The following RGL4 variants were observed in gnomAD, a reference collection of about 807,000 sequenced individuals.
RGL4 encodes ral guanine nucleotide dissociation stimulator like 4.
RGL4 carries 41 observed loss-of-function variants against 49.6 expected under a neutral mutation model. The observed-to-expected ratio is 0.83, with a 90% CI of 0.64 to 1.07. The LOEUF (loss-of-function observed/expected upper bound fraction) is 1.07. Ranked by LOEUF, RGL4 falls within the 50% of genes least tolerant of loss-of-function variation. The pLI is 0.00. For missense variants in RGL4, 610 were observed against 591.9 expected (o/e 1.03, Z -0.32); for synonymous variants, 255 against 238.0 (o/e 1.07, Z -0.66).
At chr22:23,695,210 G>A in intron 6 of RGL4, 191 bp downstream of exon 6, 1 of 529,488 alleles carries the variant, frequency 1.9e-6, no homozygotes, top group Middle Eastern at 5.0e-4. Flanking sequence ...CGGTCCATGG[G>A]CACGTGGGGG....
In RGL4 at chr22:23,694,141, T is replaced by A. The variant is rs1214365492; in HGVS notation, c.912+167T>A. 8 of 731,984 alleles carry A rather than the reference T, an allele frequency of 1.1e-5. No homozygotes were observed. The Admixed American group carries it at 1.9e-4, about 17-fold the overall frequency. 45.3% of individuals were successfully genotyped at this position (731,984 alleles called of 1,614,324 possible). A position where few individuals can be genotyped will look rare whatever the true frequency, so the allele number is the denominator to read the frequency against. ...CACCTTGACTCCCACGGCCCAGTGG[T>A]GGCTGCTCACTTCCGACCTGGGGTC... On this transcript the variant is annotated intron_variant, in intron 4 of 10. Coordinates refer to ENST00000290691, the MANE Select transcript of RGL4 (RefSeq NM_153615.2).
chr22:23,694,030 C>T, intron 4 of RGL4, 56 bp downstream of exon 4: 1 of 1,477,184 alleles, frequency 6.8e-7, no homozygotes, highest in South Asian at 1.1e-5. Context: ...ACTTCCTCTT[C>T]TCCTCCATCG....
chr22:23,694,862 T>G, intron 5 of RGL4, 88 bp from the exon 6 acceptor site: 1 of 1,015,522 alleles, frequency 9.8e-7, no homozygotes, highest in Non-Finnish European at 1.6e-6. Context: ...TAAGCTGGGA[T>G]TCACTGGGTT....
rs771145382 is a variant in RGL4 at position 23,692,772 on chromosome 22, T to C, written c.477T>C (p.Pro159=). The C allele has an allele frequency of 6.4e-5, 103 of 1,613,404 alleles. No individual in the cohort carries two copies. Among genetic ancestry groups the C allele is most frequent in the Admixed American group, 3.0e-4 (18 of 60,004 alleles). ...DLGPALEPES[P]AALGPPGYLH... is the part of the protein sequence containing the mutation. ...GGCCTGCTCTGGAGCCAGAGTCACC[T>C]GCAGCCCTGGGTCCACCAGGATATC... The change falls in exon 3 of 11, where the codon CCT becomes CCC. Residue 159 remains proline, a synonymous_variant. Transcript: ENST00000290691.
chr22:23,692,316 C>A lies in RGL4; in HGVS notation c.180-19C>A. ...GGAGAAGGCCAGGCCTCTGACTCAG[C>A]TGTCTACTCCATCACCAGCACCATC... On this transcript the variant is annotated intron_variant, in intron 1 of 10. Transcript: ENST00000290691. 1 of 1,612,766 alleles carries A rather than the reference C, an allele frequency of 6.2e-7. No individual in the cohort carries two copies. The highest frequency in any genetic ancestry group is 8.5e-7 in the Non-Finnish European group (1 of 1,179,052).
intron 4 of RGL4, 100 bp from the exon 5 acceptor site, chr22:23,694,247 C>CTCTG: frequency 1.0e-6 from 1 of 979,732 alleles, no homozygotes; most frequent in Non-Finnish European, 1.6e-6. Context: ...CTCCCCAGGC[C>CTCTG]TCTGCTTCAT....
chr22:23,699,142 T>G lies in RGL4; in HGVS notation c.*259T>G. The G allele has an allele frequency of 6.9e-7, 1 of 1,451,898 alleles. No individual in the cohort carries two copies. Among genetic ancestry groups the G allele is most frequent in the Non-Finnish European group, 9.1e-7 (1 of 1,104,164 alleles). The allele number at this position is 1,451,898 out of a possible 1,614,324, so 89.9% of individuals were successfully genotyped here. A position where few individuals can be genotyped will look rare whatever the true frequency, so the allele number is the denominator to read the frequency against. On this transcript the variant is annotated 3_prime_UTR_variant, in exon 11 of 11. Transcript: ENST00000290691. ...ATAAGTAAGGGTTTTTTCTTAACTT[T>G]CGTTAAAATAAAATTTTAAAAAACT...
intron 10 of RGL4, 44 bp downstream of exon 10, chr22:23,698,377 A>AT (rs374666466): frequency 0.034 from 38,360 of 1,126,172 alleles, no homozygotes; most frequent in Non-Finnish European, 0.037. Flanking sequence ...AAGGCTCTCC[A>AT]TTTTTTTTTT....
At chr22:23,697,116 G>A (rs1017355027) in intron 7 of RGL4, 55 bp from the exon 8 acceptor site, 2 of 1,360,922 alleles carry the variant, frequency 1.5e-6, no homozygotes, top group African/African-American at 1.4e-5. Context: ...AGGCACCTGA[G>A]GGCCAATACT....
Position 23,698,770 on chromosome 22 carries a change from C to T in RGL4, c.1383-74C>T, listed in dbSNP as rs1278706491. Reference sequence around the variant, plus strand: ...GGGGACCACTGGGGACCCAGGATTCCAGCTGGGCAGGCACTGACAGGGGAC... The same window carrying T: ...GGGGACCACTGGGGACCCAGGATTCTAGCTGGGCAGGCACTGACAGGGGAC... On this transcript the variant is annotated intron_variant, in intron 10 of 10. Transcript: ENST00000290691. The T allele has an allele frequency of 1.7e-5, 25 of 1,510,084 alleles. No homozygotes were observed. In the Admixed American group the frequency reaches 3.4e-4, roughly 21 times the overall value. 93.5% of individuals were successfully genotyped at this position (1,510,084 alleles called of 1,614,324 possible).
chr22:23,697,567 G>A (rs1923589623), intron 8 of RGL4, among the ~76,000 whole-genome samples: 1 of 152,184 alleles, frequency 6.6e-6, no homozygotes, highest in South Asian at 2.1e-4. Flanking sequence ...GCCTCTCCAA[G>A]GGCAGGCAGT....
At chr22:23,695,326 A>G in intron 6 of RGL4, 1 of 451,014 alleles carries the variant, frequency 2.2e-6, no homozygotes, top group Non-Finnish European at 4.3e-6. Flanking sequence ...TCTGGCTCCC[A>G]TGCTGGTCCA....
rs1038575872 is a variant in RGL4, at chr22:23,698,053, G to A, written c.1261-159G>A. 42 of 1,185,774 alleles carry A rather than the reference G, an allele frequency of 3.5e-5. No individual in the cohort carries two copies. The East Asian group carries it at 3.6e-4, about 10-fold the overall frequency. 73.5% of individuals were successfully genotyped at this position (1,185,774 alleles called of 1,614,324 possible). A position where few individuals can be genotyped will look rare whatever the true frequency, so the allele number is the denominator to read the frequency against. ...TGGAATCAAAGACCAATTCCTGCAGGAGGGGCTGTTTATATCCAACTCTGA... is the reference window on the plus strand; with the variant it reads ...TGGAATCAAAGACCAATTCCTGCAGAAGGGGCTGTTTATATCCAACTCTGA... On this transcript the variant is annotated intron_variant, in intron 9 of 10. Coordinates refer to ENST00000290691, the MANE Select transcript of RGL4 (RefSeq NM_153615.2).
In RGL4 at chr22:23,693,183, G is replaced by T. The variant is rs200832336; in HGVS notation, c.696+192G>T. ...ACGGCAGAGATGGGACATCACCAGC[G>T]CCAGCTGCACAGAGTGACTGTGCAG... On this transcript the variant is annotated intron_variant, in intron 3 of 10. Transcript: ENST00000290691. The T allele has an allele frequency of 6.1e-6, 6 of 977,420 alleles. No homozygotes were observed. In the Admixed American group the frequency reaches 1.8e-4, roughly 29 times the overall value. 60.5% of individuals were successfully genotyped at this position (977,420 alleles called of 1,614,324 possible).
chr22:23,693,896 C>T lies in RGL4; in HGVS notation c.834C>T (p.Thr278=), dbSNP rs1202015920. 1.2e-6 allele frequency: 2 copies of T among 1,613,964 alleles called. No individual in the cohort carries two copies. Among genetic ancestry groups the T allele is most frequent in the African/African-American group, 1.3e-5 (1 of 75,056 alleles). Residue 278 remains threonine (T), a synonymous_variant, in exon 4 of 11, where the codon ACC becomes ACT. Coordinates refer to ENST00000290691, the MANE Select transcript of RGL4 (RefSeq NM_153615.2). ...TCAACAGGCTCACCAACTGCATCAC[C>T]ACCTCCTGCCTCGGGGACCACAGCA... ...AHFNRLTNCI[T]TSCLGDHSMR... is the part of the protein sequence containing the mutation.
intron 6 of RGL4, chr22:23,695,409 C>CTCA (rs2123859411): frequency 5.3e-5 from 28 of 529,798 alleles, no homozygotes; most frequent in South Asian, 4.3e-4. Context: ...TTCCTCAAAC[C>CTCA]GGCCAGCAAT....
chr22:23,694,413 A>G lies in RGL4; in HGVS notation c.979A>G (p.Ile327Val). 1 of 1,613,928 alleles carries G rather than the reference A, an allele frequency of 6.2e-7. No individual in the cohort carries two copies. The highest frequency in any genetic ancestry group is 8.5e-7 in the Non-Finnish European group (1 of 1,179,868). Reference sequence around the variant, plus strand: ...CGTCTCTGCTCTGTGCAGCAACCCAATAGGTCAGCTACACAAGACGTGGGC... The same window carrying G: ...CGTCTCTGCTCTGTGCAGCAACCCAGTAGGTCAGCTACACAAGACGTGGGC... Reference protein sequence around the residue: ...VIVSALCSNPIGQLHKTWAGV... With the variant: ...VIVSALCSNPVGQLHKTWAGV... Residue 327 changes from isoleucine (I) to valine (V), a missense_variant, in exon 5 of 11, where the codon ATA (isoleucine) becomes GTA (valine). Ile to Val is a conservative substitution (Grantham distance 29). Transcript: ENST00000290691.
chr22:23,698,306 G>C lies in RGL4; in HGVS notation c.1355G>C (p.Arg452Thr), dbSNP rs1449299840. ...PLEKFVTYFT[R>T]MEQLSDKESY... is the part of the protein sequence containing the mutation. The stretch of plus-strand genomic sequence containing the variant: ...GAGAAATTTGTCACCTATTTCACAA[G>C]AATGGAGCAGCTCAGTGACAAAGAG... The change falls in exon 10 of 11, where the codon AGA (arginine) becomes ACA (threonine). Residue 452 changes from arginine to threonine, a missense_variant. Physicochemically the swap from Arg to Thr is moderately conservative, Grantham distance 71. Coordinates refer to ENST00000290691, the MANE Select transcript of RGL4 (RefSeq NM_153615.2). 6.2e-6 allele frequency: 10 copies of C among 1,609,428 alleles called. No homozygotes were observed. Among genetic ancestry groups the C allele is most frequent in the Non-Finnish European group, 8.5e-6 (10 of 1,176,072 alleles).
chr22:23,698,254 G>T lies in RGL4; in HGVS notation c.1303G>T (p.Ala435Ser). Reference sequence around the variant, plus strand: ...GGAAATGCAGCTGCTCCAAGTGGCTGCCATGAATTACAGGCTTCGGCCTCT... The same window carrying T: ...GGAAATGCAGCTGCTCCAAGTGGCTTCCATGAATTACAGGCTTCGGCCTCT... The part of the protein sequence containing the change: ...LQEMQLLQVA[A>S]MNYRLRPLEK... The change falls in exon 10 of 11, where the codon GCC becomes TCC. Residue 435 changes from alanine (A) to serine (S), a missense_variant. By Grantham distance (99) the Ala-to-Ser change is moderately conservative. Coordinates refer to ENST00000290691, the MANE Select transcript of RGL4 (RefSeq NM_153615.2). 4.3e-6 allele frequency: 7 copies of T among 1,611,814 alleles called. No individual in the cohort carries two copies. Among genetic ancestry groups the T allele is most frequent in the Non-Finnish European group, 5.1e-6 (6 of 1,178,134 alleles).
Sources: allele counts gnomAD v4.1 joint callset (sites outside exome capture counted in the v4.1 genomes callset), GRCh38; gene constraint gnomAD v4.1.1; transcripts MANE v1.5; gene names NCBI Gene and HGNC (gene_info 2026-07-23, HGNC 2026-07-21).